The following LAMA1 variants were observed in gnomAD, a reference collection of about 807,000 sequenced individuals.
LAMA1 encodes the protein laminin subunit alpha-1.
Under a neutral mutation model 348.7 loss-of-function variants are expected in LAMA1, and 219 were observed. The ratio of observed to expected loss-of-function variants is 0.63; its 90% confidence interval spans 0.56 to 0.70. The LOEUF is 0.70. LAMA1 is among the 30% of genes least tolerant of loss of function. The probability of loss-of-function intolerance (pLI) is 0.00; values close to 1 mark genes in which losing one functional copy is unlikely to be tolerated. For missense variants in LAMA1, 3,744 were observed against 3,888.0 expected (o/e 0.96, Z 0.99); for synonymous variants, 1,487 against 1,491.0 (o/e 1.00, Z 0.06).
intron 3 of LAMA1, among the ~76,000 whole-genome samples, chr18:7,060,148 GGGAA>G (rs553765870): frequency 1.3e-5 from 2 of 152,212 alleles, no homozygotes; most frequent in Non-Finnish European, 2.9e-5. Flanking sequence ...GGAGCTGAGA[GGGAA>G]GGAAGGATGT....
At chr18:7,056,386 A>T (rs2058082006) in intron 3 of LAMA1, among the ~76,000 whole-genome samples, 1 of 152,228 alleles carries the variant, frequency 6.6e-6, no homozygotes. Context: ...TTCACACTTG[A>T]ATATGGAAAG....
chr18:7,109,274 C>T (rs1227011238), intron 1 of LAMA1, among the ~76,000 whole-genome samples: 3 of 152,168 alleles, frequency 2.0e-5, no homozygotes, highest in African/African-American at 7.2e-5. Context: ...TTACTGCCCT[C>T]CGGCTACTAA....
intron 29 of LAMA1, among the ~76,000 whole-genome samples, chr18:7,006,509 G>A (rs542369501): frequency 1.3e-5 from 2 of 152,036 alleles, no homozygotes; most frequent in African/African-American, 4.8e-5. Flanking sequence ...TTTTGACTAC[G>A]GCAACCAGTA....
chr18:6,963,933 C>A (rs1303510645), intron 51 of LAMA1: 4 of 152,396 alleles, frequency 2.6e-5, no homozygotes, highest in Non-Finnish European at 5.9e-5. Flanking sequence ...CTTCTTGATG[C>A]TGGTCTTTCA....
chr18:7,036,231 A>G (rs1277480068), intron 12 of LAMA1, 143 bp from the exon 13 acceptor site: 17 of 711,516 alleles, frequency 2.4e-5, no homozygotes, highest in Non-Finnish European at 3.9e-5. Flanking sequence ...GGAAATTCAC[A>G]TTAAAGGCAG....
At chr18:6,961,164 C>T (rs1456353274) in intron 53 of LAMA1, among the ~76,000 whole-genome samples, 1 of 152,154 alleles carries the variant, frequency 6.6e-6, no homozygotes, top group Non-Finnish European at 1.5e-5. Flanking sequence ...CCCACATTTC[C>T]CTTGCTGCTC....
intron 11 of LAMA1, 42 bp downstream of exon 11, chr18:7,038,768 G>A (rs763495897): frequency 3.7e-6 from 6 of 1,610,048 alleles, no homozygotes; most frequent in Non-Finnish European, 4.2e-6. Context: ...TGTGCAATAC[G>A]ACCTGCTCAT....
At chr18:6,966,527 T>C (rs573490167) in intron 48 of LAMA1, among the ~76,000 whole-genome samples, 1 of 152,360 alleles carries the variant, frequency 6.6e-6, no homozygotes, top group South Asian at 2.1e-4. Flanking sequence ...GTATTCATTG[T>C]GGTAAAAATA....
At position 7,032,979 on chromosome 18, in the gene LAMA1, G is replaced by A. The variant is rs748897223; in HGVS notation, c.2163+5C>T. ...AGGAAAAAGACAGGAAGAGAGAAGC[G>A]TCACCTCACAGGAGGTCCCTGTGTA... is the stretch of plus-strand genomic sequence containing the variant. On this transcript the variant is annotated splice_donor_5th_base_variant and intron_variant, in intron 15 of 62. Transcript: ENST00000389658. 1.0e-5 allele frequency: 16 copies of A among 1,595,392 alleles called. No individual in the cohort carries two copies. In the African/African-American group the frequency reaches 1.1e-4, roughly 11 times the overall value.
At position 6,959,435 on chromosome 18, in the gene LAMA1, C is replaced by T. The variant is rs772910533; in HGVS notation, c.7684G>A (p.Asp2562Asn). 7 of 1,614,178 alleles carry T rather than the reference C, an allele frequency of 4.3e-6. No homozygotes were observed. The highest frequency in any genetic ancestry group is 5.9e-6 in the Non-Finnish European group (7 of 1,180,032). ...GNIEVHVNPG[D>N]GTGLRKALLH... ...AGAGCTTTTCTCAGGCCTGTCCCAT[C>T]CCCAGGATTGACATGTACCTCAATG... Residue 2562 changes from aspartate (D) to asparagine (N), a missense_variant, in exon 54 of 63, where the codon GAT becomes AAT. Around this residue, in one of 3 missense-constraint regions of LAMA1, gnomAD observed 1,983 missense variants for 1,934.3 expected, o/e 1.03. Coordinates refer to ENST00000389658, the MANE Select transcript of LAMA1 (RefSeq NM_005559.4).
In LAMA1 at chr18:7,035,986, C is replaced by G; in HGVS notation, c.1839+1G>C. On this transcript the variant is annotated splice_donor_variant, in intron 13 of 62. Coordinates refer to ENST00000389658, the MANE Select transcript of LAMA1 (RefSeq NM_005559.4). LOFTEE classifies it high-confidence loss of function. ...AGCAGAATCAAAGCAAAAACAATCA[C>G]CTTAATGATGACGTCAGCATGCGAC... 1 of 1,611,926 alleles carries G rather than the reference C, an allele frequency of 6.2e-7. No homozygotes were observed. Among genetic ancestry groups the G allele is most frequent in the South Asian group, 1.1e-5 (1 of 91,012 alleles).
chr18:6,997,738 C>T lies in LAMA1; in HGVS notation c.4806+4G>A. 6.2e-7 allele frequency: 1 copy of T among 1,612,736 alleles called. No individual in the cohort carries two copies. Among genetic ancestry groups the T allele is most frequent in the Non-Finnish European group, 8.5e-7 (1 of 1,178,752 alleles). ...CTGTTCATCTCTGTATTTCCAGTAC[C>T]TACCTGGAGATATTTAGTTGTATTT... On this transcript the variant is annotated splice_donor_region_variant and intron_variant, in intron 33 of 62. Transcript: ENST00000389658.
intron 3 of LAMA1, among the ~76,000 whole-genome samples, chr18:7,066,813 G>GA (rs1177936061): frequency 6.6e-6 from 1 of 151,606 alleles, no homozygotes; most frequent in Non-Finnish European, 1.5e-5. Flanking sequence ...CAATGTTTTT[G>GA]AAAAAAATAA....
chr18:6,994,707 T>C (rs1223421195), intron 34 of LAMA1, among the ~76,000 whole-genome samples: 2 of 102,868 alleles, frequency 1.9e-5, no homozygotes, highest in African/African-American at 5.9e-5. Context: ...ACATACAAAA[T>C]TCATAAATGA....
intron 16 of LAMA1, among the ~76,000 whole-genome samples, chr18:7,027,953 C>CA (rs1036640606): frequency 9.2e-5 from 14 of 151,734 alleles, no homozygotes; most frequent in African/African-American, 3.4e-4. Flanking sequence ...AAAACAAAAA[C>CA]AAAAAAGCTA....
At chr18:6,981,235 G>C (rs956036618) in intron 41 of LAMA1, among the ~76,000 whole-genome samples, 1 of 152,090 alleles carries the variant, frequency 6.6e-6, no homozygotes, top group Non-Finnish European at 1.5e-5. Context: ...CAAGGATGAA[G>C]AGCTGTGTTT....
intron 9 of LAMA1, 91 bp from the exon 10 acceptor site, chr18:7,040,327 G>T (rs1434928968): frequency 9.5e-6 from 13 of 1,375,250 alleles, no homozygotes; most frequent in African/African-American, 4.3e-5. Flanking sequence ...GGGTCAGAGG[G>T]TATCTATTTT....
intron 1 of LAMA1, among the ~76,000 whole-genome samples, chr18:7,098,005 T>A (rs28416961): frequency 8.1e-5 from 12 of 147,262 alleles, no homozygotes; most frequent in Non-Finnish European, 1.4e-4. Context: ...GATTGCAGGC[T>A]CGCGCCGCCA....
intron 1 of LAMA1, among the ~76,000 whole-genome samples, chr18:7,096,089 G>A (rs911116756): frequency 5.3e-5 from 8 of 152,150 alleles, no homozygotes; most frequent in African/African-American, 1.9e-4. Context: ...AAATACTTCA[G>A]TATAGACTGT....
Sources: allele counts gnomAD v4.1 joint callset (sites outside exome capture counted in the v4.1 genomes callset), GRCh38; gene constraint gnomAD v4.1.1; regional missense constraint gnomAD v4.1.1; transcripts MANE v1.5; gene names NCBI Gene and HGNC (gene_info 2026-07-23, HGNC 2026-07-21).